Variants in ZNF385D observed in about 807,000 individuals in gnomAD.
ZNF385D encodes the protein zinc finger protein 659.
A neutral mutation model predicts 35.8 loss-of-function variants in ZNF385D; 15 were observed. The observed-to-expected ratio is 0.42, with a 90% CI of 0.28 to 0.64. The LOEUF (loss-of-function observed/expected upper bound fraction) is 0.64. ZNF385D is among the 30% of genes least tolerant of loss of function. The pLI, the probability that ZNF385D is intolerant of heterozygous loss-of-function variation, is 0.23. For synonymous variants in ZNF385D, 212 were observed against 186.8 expected, an observed-to-expected ratio of 1.13 and a Z score of -1.10; for missense variants, 474 against 494.6, an observed-to-expected ratio of 0.96 and a Z score of 0.39.
At chr3:21,789,279 A>T (rs1006406506) in intron 3 of ZNF385D, among the ~76,000 whole-genome samples, 1 of 152,194 alleles carries the variant, frequency 6.6e-6, no homozygotes, top group African/African-American at 2.4e-5. Flanking sequence ...TATACTGCCT[A>T]CAATGATAAA....
intron 1 of ZNF385D, among the ~76,000 whole-genome samples, chr3:21,747,465 C>G (rs1056983292): frequency 3.9e-5 from 6 of 152,182 alleles, no homozygotes; most frequent in African/African-American, 1.4e-4. Flanking sequence ...GCACAATCAG[C>G]CTCCCATTTT....
At chr3:22,311,370 A>G (rs1703539301) in intron 2 of ZNF385D, among the ~76,000 whole-genome samples, 1 of 151,960 alleles carries the variant, frequency 6.6e-6, no homozygotes, top group African/African-American at 2.4e-5. Context: ...ACTTCTGATT[A>G]GGTTGCTTTT....
intron 3 of ZNF385D, among the ~76,000 whole-genome samples, chr3:22,161,389 A>G (rs1053889684): frequency 4.6e-5 from 7 of 152,072 alleles, no homozygotes; most frequent in African/African-American, 1.7e-4. Flanking sequence ...TATATATTAA[A>G]CCATTTTATA....
At chr3:21,543,296 C>A (rs1372625908) in intron 3 of ZNF385D, among the ~76,000 whole-genome samples, 2 of 152,218 alleles carry the variant, frequency 1.3e-5, no homozygotes, top group Non-Finnish European at 2.9e-5. Context: ...GCCTGCGCGA[C>A]AAGAGCGGGA....
intron 1 of ZNF385D, among the ~76,000 whole-genome samples, chr3:21,742,138 G>C (rs1274913854): frequency 6.6e-6 from 1 of 152,144 alleles, no homozygotes; most frequent in Non-Finnish European, 1.5e-5. Context: ...CAGTGCTTTG[G>C]AGATTATAAA....
At chr3:21,535,550 A>G (rs1455097547) in intron 3 of ZNF385D, among the ~76,000 whole-genome samples, 2 of 152,118 alleles carry the variant, frequency 1.3e-5, no homozygotes, top group African/African-American at 4.8e-5. Flanking sequence ...TGAAACTTCA[A>G]ACCAATCTGA....
chr3:22,209,497 G>C (rs990545410), intron 2 of ZNF385D, among the ~76,000 whole-genome samples: 1 of 151,612 alleles, frequency 6.6e-6, no homozygotes, highest in African/African-American at 2.4e-5. Flanking sequence ...ATTTATATTA[G>C]TGTATTTATA....
At chr3:22,129,719 G>T (rs1000981454) in intron 3 of ZNF385D, among the ~76,000 whole-genome samples, 3 of 151,882 alleles carry the variant, frequency 2.0e-5, no homozygotes, top group Non-Finnish European at 2.9e-5. Flanking sequence ...TGTTTTTTCA[G>T]GGTAACAGGC....
chr3:21,571,642 A>G (rs1318847170), intron 2 of ZNF385D, among the ~76,000 whole-genome samples: 3 of 152,262 alleles, frequency 2.0e-5, no homozygotes, highest in African/African-American at 7.2e-5. Flanking sequence ...TACTTCAAAC[A>G]CCAGTCACAA....
intron 3 of ZNF385D, among the ~76,000 whole-genome samples, chr3:21,766,347 C>G (rs2070829806): frequency 6.6e-6 from 1 of 152,092 alleles, no homozygotes; most frequent in Admixed American, 6.6e-5. Flanking sequence ...ACTTTTGACA[C>G]ATACCACAAT....
chr3:21,842,242 G>A (rs1695727434), intron 3 of ZNF385D, among the ~76,000 whole-genome samples: 1 of 151,894 alleles, frequency 6.6e-6, no homozygotes, highest in Non-Finnish European at 1.5e-5. Context: ...GGCTGATAGA[G>A]CAGCTACTCT....
intron 2 of ZNF385D, among the ~76,000 whole-genome samples, chr3:22,317,994 G>C (rs1703992925): frequency 6.6e-6 from 1 of 152,018 alleles, no homozygotes; most frequent in African/African-American, 2.4e-5. Context: ...AGGAGGCAGA[G>C]GTTGCAGTGA....
chr3:22,124,461 G>T (rs980826228), intron 3 of ZNF385D, among the ~76,000 whole-genome samples: 4 of 142,622 alleles, frequency 2.8e-5, no homozygotes, highest in Admixed American at 2.2e-4. Flanking sequence ...GGTATTGCTG[G>T]ATCACACAGT....
At chr3:22,109,311 C>CA (rs920945163) in intron 3 of ZNF385D, among the ~76,000 whole-genome samples, 24 of 152,098 alleles carry the variant, frequency 1.6e-4, no homozygotes, top group African/African-American at 5.6e-4. Flanking sequence ...CTAGGCATTA[C>CA]AAAAATATGA....
intron 3 of ZNF385D, among the ~76,000 whole-genome samples, chr3:22,077,531 T>C (rs542991680): frequency 1.6e-4 from 25 of 152,120 alleles, no homozygotes; most frequent in African/African-American, 5.8e-4. Context: ...TCTTCTTTTG[T>C]CTTAGCAAAG....
intron 3 of ZNF385D, among the ~76,000 whole-genome samples, chr3:22,072,230 A>C (rs1017881885): frequency 6.6e-6 from 1 of 152,080 alleles, no homozygotes; most frequent in African/African-American, 2.4e-5. Context: ...AGAATTTCTT[A>C]ATTGGGCATG....
At chr3:22,364,743 T>C (rs1388031399) in intron 2 of ZNF385D, among the ~76,000 whole-genome samples, 2 of 152,124 alleles carry the variant, frequency 1.3e-5, no homozygotes. Context: ...TCTGAATATA[T>C]TCCAAAAGGA....
At chr3:21,752,007 A>AC (rs71044940), upstream of ZNF385D, among the ~76,000 whole-genome samples, 52,338 of 89,090 alleles carry the variant, frequency 0.59, 12,944 homozygotes, top group Middle Eastern at 0.65. Flanking sequence ...ACACACACCC[A>AC]CCCCCCTCCC....
chr3:22,277,504 A>C (rs574259985), intron 2 of ZNF385D, among the ~76,000 whole-genome samples: 1 of 152,228 alleles, frequency 6.6e-6, no homozygotes, highest in East Asian at 1.9e-4. Flanking sequence ...CAAAAGCCCA[A>C]ATAATCACAT....
Sources: allele counts gnomAD v4.1 joint callset (sites outside exome capture counted in the v4.1 genomes callset), GRCh38; gene constraint gnomAD v4.1.1; transcripts MANE v1.5; gene names NCBI Gene and HGNC (gene_info 2026-07-23, HGNC 2026-07-21).